Variants in GATB observed in about 807,000 individuals in gnomAD.
GATB encodes glutamyl-tRNA(Gln) amidotransferase subunit B, mitochondrial.
GATB carries 39 observed loss-of-function variants against 62.3 expected under a neutral mutation model. The ratio of observed to expected loss-of-function variants is 0.63; its 90% CI spans 0.48 to 0.82. GATB has a LOEUF of 0.82. Ranked by LOEUF, GATB falls within the 40% of genes least tolerant of loss-of-function variation. The pLI is 0.00. For synonymous variants in GATB, 276 were observed against 258.9 expected (o/e 1.07, Z -0.63); for missense variants, 670 against 684.0 (o/e 0.98, Z 0.23).
At chr4:151,736,548 T>C (rs1358784019) in intron 2 of GATB, among the ~76,000 whole-genome samples, 2 of 152,222 alleles carry the variant, frequency 1.3e-5, no homozygotes, top group East Asian at 1.9e-4. Context: ...ATACATGCCA[T>C]CCTAAGTTAT....
intron 11 of GATB, among the ~76,000 whole-genome samples, chr4:151,678,714 T>C (rs1335632723): frequency 6.6e-6 from 1 of 152,092 alleles, no homozygotes; most frequent in African/African-American, 2.4e-5. Context: ...GCAGCCACTT[T>C]CCCCAAGCCT....
intron 2 of GATB, among the ~76,000 whole-genome samples, chr4:151,729,513 T>A (rs756814467): frequency 6.6e-6 from 1 of 152,156 alleles, no homozygotes; most frequent in Non-Finnish European, 1.5e-5. Flanking sequence ...GTGATAATCA[T>A]ACTGTGATCA....
intron 3 of GATB, among the ~76,000 whole-genome samples, chr4:151,718,011 G>A (rs1002447770): frequency 3.3e-5 from 5 of 152,290 alleles, no homozygotes; most frequent in South Asian, 4.1e-4. Flanking sequence ...TCCAAAATCC[G>A]TGTCTTTCAC....
At chr4:151,742,952 A>T (rs561992044) in intron 2 of GATB, among the ~76,000 whole-genome samples, 11 of 152,352 alleles carry the variant, frequency 7.2e-5, no homozygotes, top group African/African-American at 2.4e-4. Context: ...GAAATAAAGA[A>T]CTGAATACAT....
In GATB at chr4:151,716,897, G is replaced by A. The variant is rs1233218544; in HGVS notation, c.619C>T (p.Leu207Phe). 6.2e-7 allele frequency: 1 copy of A among 1,614,218 alleles called. No homozygotes were observed. The highest frequency in any genetic ancestry group is 8.5e-7 in the Non-Finnish European group (1 of 1,180,042). Residue 207 changes from leucine to phenylalanine, a missense_variant, in exon 4 of 13, where the codon CTC becomes TTC. By Grantham distance (22) the Leu-to-Phe change is conservative (BLOSUM62 0). Transcript: ENST00000263985. The stretch of plus-strand genomic sequence containing the variant: ...CTACCTGCCCTGTTCAAATCAATGA[G>A]CGTCTGAGACCTCAGGTTGTCGTGG... ...SLHDNLRSQT[L>F]IDLNRAGVGL... is the part of the protein sequence containing the mutation.
intron 2 of GATB, among the ~76,000 whole-genome samples, chr4:151,734,004 G>A (rs1470024221): frequency 4.6e-5 from 7 of 152,130 alleles, no homozygotes; most frequent in Non-Finnish European, 4.4e-5. Context: ...AATGAATGGG[G>A]AAAAGTTGAA....
intron 12 of GATB, 31 bp downstream of exon 12, chr4:151,672,731 T>C: frequency 6.2e-7 from 1 of 1,609,630 alleles, no homozygotes; most frequent in Non-Finnish European, 8.5e-7. Flanking sequence ...TGGGGCTGGC[T>C]CTGGCCCTCT....
At chr4:151,758,260 T>C (rs114869114) in intron 2 of GATB, among the ~76,000 whole-genome samples, 1,892 of 152,336 alleles carry the variant, frequency 0.012, 39 homozygotes, top group African/African-American at 0.043. Flanking sequence ...CTAAATTTTA[T>C]TGGGCTTCTC....
intron 9 of GATB, among the ~76,000 whole-genome samples, chr4:151,700,790 T>G (rs181868790): frequency 1.3e-5 from 2 of 152,284 alleles, no homozygotes; most frequent in East Asian, 3.9e-4. Flanking sequence ...CAGTGTCAGG[T>G]TCTCTACCGG....
chr4:151,690,559 G>A (rs370100429), intron 9 of GATB, among the ~76,000 whole-genome samples: 2 of 152,190 alleles, frequency 1.3e-5, no homozygotes, highest in East Asian at 1.9e-4. Flanking sequence ...AGACAGGCTG[G>A]CCCACTGGTA....
chr4:151,701,208 C>T (rs918463858), intron 9 of GATB, 121 bp downstream of exon 9: 3 of 646,386 alleles, frequency 4.6e-6, no homozygotes, highest in South Asian at 7.5e-5. Context: ...ATCTATAGTA[C>T]AACCCAAGAA....
At chr4:151,695,579 C>T (rs1429874502) in intron 9 of GATB, among the ~76,000 whole-genome samples, 4 of 152,076 alleles carry the variant, frequency 2.6e-5, no homozygotes, top group Non-Finnish European at 5.9e-5. Context: ...CTCCCACCGA[C>T]GAGCTTCAGA....
At chr4:151,738,383 T>C (rs977050513) in intron 2 of GATB, among the ~76,000 whole-genome samples, 7 of 152,130 alleles carry the variant, frequency 4.6e-5, no homozygotes, top group Non-Finnish European at 8.8e-5. Context: ...GATCTGATGG[T>C]TTTAAAGATG....
intron 9 of GATB, 80 bp downstream of exon 9, chr4:151,701,249 G>C: frequency 1.7e-6 from 2 of 1,171,700 alleles, no homozygotes; most frequent in Non-Finnish European, 2.3e-6. Context: ...GCCCATGGCA[G>C]CCTGTGTGTG....
At chr4:151,708,186 C>T (rs1738752506) in intron 5 of GATB, 85 bp from the exon 6 acceptor site, 2 of 857,388 alleles carry the variant, frequency 2.3e-6, no homozygotes, top group Non-Finnish European at 3.8e-6. Context: ...AAGGAAGCAG[C>T]ATCTAACTCT....
chr4:151,742,794 T>TA (rs1393581044), intron 2 of GATB, among the ~76,000 whole-genome samples: 1 of 151,980 alleles, frequency 6.6e-6, no homozygotes, highest in Non-Finnish European at 1.5e-5. Context: ...GGCTTCATAA[T>TA]AAAAAAATTA....
chr4:151,742,292 G>C (rs1216521148), intron 2 of GATB, among the ~76,000 whole-genome samples: 1 of 152,052 alleles, frequency 6.6e-6, no homozygotes, highest in East Asian at 1.9e-4. Flanking sequence ...ATTTCACCGT[G>C]TTAACCAGGA....
chr4:151,680,072 A>G (rs1369043638), intron 10 of GATB, among the ~76,000 whole-genome samples, 181 bp from the exon 11 acceptor site: 3 of 152,176 alleles, frequency 2.0e-5, no homozygotes, highest in Admixed American at 2.0e-4. Flanking sequence ...ATATCTTAGG[A>G]TATAACAAAT....
chr4:151,693,976 C>T (rs1230172809), intron 9 of GATB, among the ~76,000 whole-genome samples: 3 of 152,160 alleles, frequency 2.0e-5, no homozygotes, highest in African/African-American at 2.4e-5. Flanking sequence ...GACAGCAGAC[C>T]GGCACTGCTA....
Sources: gnomAD v4.1 joint callset for allele counts (sites outside exome capture counted in the v4.1 genomes callset) on GRCh38, gnomAD v4.1.1 for gene constraint, MANE v1.5 for transcripts, NCBI Gene and HGNC (gene_info 2026-07-23, HGNC 2026-07-21) for gene names.